Variants in UTRN observed in about 807,000 individuals in gnomAD.
The protein encoded by UTRN is utrophin, also known as dystrophin-related protein 1.
In UTRN, 283 loss-of-function variants were observed where a neutral mutation model predicts 463.9. The observed-to-expected ratio is 0.61, with a 90% CI of 0.55 to 0.67. The LOEUF is 0.67. UTRN is among the 30% of genes least tolerant of loss of function. UTRN has a pLI of 0.00. For synonymous variants in UTRN, 1,442 were observed against 1,431.5 expected (o/e 1.01, Z -0.17); for missense variants, 3,922 against 4,084.3 (o/e 0.96, Z 1.08).
chr6:144,493,501 C>G, intron 33 of UTRN, 45 bp downstream of exon 33: 3 of 1,569,232 alleles, frequency 1.9e-6, no homozygotes, highest in Non-Finnish European at 2.6e-6. Context: ...CTCTCTCTCT[C>G]TCTCTCTCAA....
At chr6:144,783,543 C>A (rs1776042068) in intron 61 of UTRN, among the ~76,000 whole-genome samples, 1 of 152,086 alleles carries the variant, frequency 6.6e-6, no homozygotes, top group Admixed American at 6.5e-5. Flanking sequence ...GTTAAAATAT[C>A]CATCACCTGA....
chr6:144,750,542 A>G (rs1791281417), intron 55 of UTRN, among the ~76,000 whole-genome samples: 1 of 152,098 alleles, frequency 6.6e-6, no homozygotes, highest in African/African-American at 2.4e-5. Context: ...GAGCCTCCCC[A>G]CTTAAAGAGT....
At chr6:144,346,704 TC>T (rs36037950) in intron 2 of UTRN, among the ~76,000 whole-genome samples, 2 of 152,022 alleles carry the variant, frequency 1.3e-5, no homozygotes, top group African/African-American at 4.8e-5. Context: ...GTGCCTGAAA[TC>T]CCAGCTACTT....
chr6:144,833,381 C>T (rs1780832356), intron 69 of UTRN, among the ~76,000 whole-genome samples: 1 of 152,188 alleles, frequency 6.6e-6, no homozygotes, highest in Admixed American at 6.5e-5. Flanking sequence ...CCTTTTTCCA[C>T]CGCTGAACAT....
intron 73 of UTRN, among the ~76,000 whole-genome samples, chr6:144,842,545 T>C (rs1010682319): frequency 1.3e-4 from 20 of 152,172 alleles, no homozygotes; most frequent in African/African-American, 4.8e-4. Context: ...GTTGAGATCA[T>C]GCCACTGCAC....
Position 144,286,415 on chromosome 6 carries a change from G to T in UTRN, c.-93+594G>T, listed in dbSNP as rs1305414680. 1.3e-5 allele frequency among the ~76,000 whole-genome samples: 2 copies of T among 152,150 alleles called. No individual in the cohort carries two copies. Among genetic ancestry groups the T allele is most frequent in the Non-Finnish European group, 2.9e-5 (2 of 68,018 alleles). ...GGTGGTTGCTGCTCCCAAGGGTGGG[G>T]CTCCGGAGAGTGTGGCGCGATCGCC... On this transcript the variant is annotated intron_variant, in intron 1 of 74. Coordinates refer to ENST00000367545, the MANE Select transcript of UTRN (RefSeq NM_007124.3). The surrounding 1 kb of genome is among the most constrained non-coding windows in gnomAD (Gnocchi z 4.4).
At chr6:144,806,461 TTTGACC>T (rs1778157330) in intron 65 of UTRN, among the ~76,000 whole-genome samples, 1 of 152,216 alleles carries the variant, frequency 6.6e-6, no homozygotes, top group Non-Finnish European at 1.5e-5. Flanking sequence ...ACTTTCTGCA[TTTGACC>T]CTACAACTTT....
chr6:144,622,516 T>C (rs1403479984), intron 51 of UTRN, among the ~76,000 whole-genome samples: 1 of 152,136 alleles, frequency 6.6e-6, no homozygotes, highest in Non-Finnish European at 1.5e-5. Flanking sequence ...AGAAAAGATA[T>C]AAGTATTTTT....
chr6:144,728,202 G>C (rs893429272), intron 53 of UTRN, among the ~76,000 whole-genome samples: 2 of 149,206 alleles, frequency 1.3e-5, no homozygotes, highest in African/African-American at 4.9e-5. Flanking sequence ...AAATAATTTT[G>C]CTATATTACC....
chr6:144,732,979 A>G (rs1434506500), intron 54 of UTRN, among the ~76,000 whole-genome samples: 1 of 152,196 alleles, frequency 6.6e-6, no homozygotes, highest in East Asian at 1.9e-4. Flanking sequence ...CTGAGAATAC[A>G]GCCATGAGCC....
chr6:144,718,559 A>G (rs976808075), intron 53 of UTRN, among the ~76,000 whole-genome samples: 2 of 152,224 alleles, frequency 1.3e-5, no homozygotes, highest in Non-Finnish European at 2.9e-5. Flanking sequence ...GAGAGAGATG[A>G]TTAACACGCA....
rs1039008881 is a variant in UTRN at position 144,851,311 on chromosome 6, T to C, written c.*314T>C. ...TATAATGTATACAGCATTGGGAAAG[T>C]GGGTGGGGGCTTTCTAATATGATAC... On this transcript the variant is annotated 3_prime_UTR_variant, in exon 75 of 75. Transcript: ENST00000367545. The C allele has an allele frequency of 1.6e-5, 5 of 322,182 alleles. No homozygotes were observed. The highest frequency in any genetic ancestry group is 2.9e-5 in the Non-Finnish European group (5 of 175,040). The allele number at this position is 322,182 out of a possible 1,614,324, so 20.0% of individuals were successfully genotyped here. A position where few individuals can be genotyped will look rare whatever the true frequency, so the allele number is the denominator to read the frequency against.
Position 144,490,950 on chromosome 6 carries a change from A to G in UTRN, c.4285A>G (p.Thr1429Ala). Reference protein sequence around the residue: ...VLQRKLREVSTKFQLFQKPAN... With the variant: ...VLQRKLREVSAKFQLFQKPAN... ...ACAGAGGAAACTCCGAGAGGTGTCC[A>G]CAAAGTTCCAGCTTTTCCAGAAGCC... Residue 1429 changes from threonine (T) to alanine (A), a missense_variant, in exon 32 of 75, where the codon ACA (threonine) becomes GCA (alanine). Physicochemically the swap from Thr to Ala is moderately conservative, Grantham distance 58. Coordinates refer to ENST00000367545, the MANE Select transcript of UTRN (RefSeq NM_007124.3). 1 of 1,605,134 alleles carries G rather than the reference A, an allele frequency of 6.2e-7. No individual in the cohort carries two copies.
chr6:144,677,233 A>G (rs1302192517), intron 51 of UTRN, among the ~76,000 whole-genome samples: 2 of 152,088 alleles, frequency 1.3e-5, no homozygotes, highest in East Asian at 1.9e-4. Flanking sequence ...CCCTGCATAC[A>G]TTAGGTATTT....
At chr6:144,680,165 G>A (rs1446007266) in intron 52 of UTRN, among the ~76,000 whole-genome samples, 1 of 152,180 alleles carries the variant, frequency 6.6e-6, no homozygotes, top group Non-Finnish European at 1.5e-5. Context: ...TGGCCCTAGT[G>A]AAGATGGTAT....
chr6:144,513,433 C>T (rs1484704754), intron 35 of UTRN, among the ~76,000 whole-genome samples: 1 of 151,984 alleles, frequency 6.6e-6, no homozygotes, highest in African/African-American at 2.4e-5. Flanking sequence ...GCCTGCAGTC[C>T]CAGCTACTCG....
At chr6:144,342,219 T>C (rs1191738788) in intron 2 of UTRN, among the ~76,000 whole-genome samples, 1 of 152,098 alleles carries the variant, frequency 6.6e-6, no homozygotes, top group African/African-American at 2.4e-5. Flanking sequence ...GAAATGGGTA[T>C]CCACATACAC....
At chr6:144,849,838 C>T (rs1291519112) in intron 74 of UTRN, among the ~76,000 whole-genome samples, 1 of 152,150 alleles carries the variant, frequency 6.6e-6, no homozygotes, top group African/African-American at 2.4e-5. Context: ...TTATATTTAA[C>T]ATGAATCAGC....
At chr6:144,627,323 G>T (rs1452263567) in intron 51 of UTRN, among the ~76,000 whole-genome samples, 1 of 152,074 alleles carries the variant, frequency 6.6e-6, no homozygotes, top group Non-Finnish European at 1.5e-5. Context: ...TTCATTTATC[G>T]GTTTACTTTC....
Sources: allele counts gnomAD v4.1 joint callset (sites outside exome capture counted in the v4.1 genomes callset), GRCh38; gene constraint gnomAD v4.1.1; non-coding constraint Gnocchi (gnomAD v3.1); transcripts MANE v1.5; gene names NCBI Gene and HGNC (gene_info 2026-07-23, HGNC 2026-07-21).